SENP7: variants seen among roughly 807,000 people sequenced by gnomAD.
The protein encoded by SENP7 is sentrin-specific protease 7.
In SENP7, 64 loss-of-function variants were observed where a neutral mutation model predicts 141.2. The observed-to-expected ratio is 0.45, with a 90% CI of 0.37 to 0.56. The LOEUF is 0.56. SENP7 is among the 20% of genes least tolerant of loss of function. The pLI is 0.00. For missense variants in SENP7, 1,025 were observed against 1,212.2 expected, an observed-to-expected ratio of 0.85 and a Z score of 2.29; for synonymous variants, 382 against 426.4, an observed-to-expected ratio of 0.90 and a Z score of 1.28.
chr3:101,398,053 T>C (rs1213637078), intron 6 of SENP7, among the ~76,000 whole-genome samples: 2 of 152,250 alleles, frequency 1.3e-5, no homozygotes, highest in Non-Finnish European at 2.9e-5. Context: ...AGCTTTTCCA[T>C]TTGTTAATGG....
intron 5 of SENP7, among the ~76,000 whole-genome samples, chr3:101,416,686 T>C (rs1454033672): frequency 6.6e-6 from 1 of 152,230 alleles, no homozygotes; most frequent in Non-Finnish European, 1.5e-5. Context: ...TTTTGTCTTT[T>C]TAAAAGAAGT....
At chr3:101,348,871 A>G (rs2059541268) in intron 12 of SENP7, among the ~76,000 whole-genome samples, 1 of 152,162 alleles carries the variant, frequency 6.6e-6, no homozygotes, top group Admixed American at 6.5e-5. Flanking sequence ...AAGCAACTGA[A>G]CTGGAATACA....
At chr3:101,375,245 TAAG>T (rs2060287941) in intron 6 of SENP7, among the ~76,000 whole-genome samples, 1 of 152,012 alleles carries the variant, frequency 6.6e-6, no homozygotes, top group Non-Finnish European at 1.5e-5. Context: ...AACTGCGATA[TAAG>T]AAGCTAAACA....
chr3:101,325,956 C>T lies in SENP7; in HGVS notation c.3140G>A (p.Gly1047Asp). 1.2e-6 allele frequency: 2 copies of T among 1,608,398 alleles called. No individual in the cohort carries two copies. Among genetic ancestry groups the T allele is most frequent in the Non-Finnish European group, 8.5e-7 (1 of 1,177,184 alleles). The change falls in exon 24 of 24, where the codon GGC becomes GAC. Residue 1047 changes from glycine (G) to aspartate (D), a missense_variant. Around this residue, in one of 4 missense-constraint regions of SENP7, gnomAD observed 295 missense variants for 459.1 expected, o/e 0.64. Transcript: ENST00000394095. Reference sequence around the variant, plus strand: ...TGTACAGATTAACTAGCTACTGCTGCCCTTCTGTTGCTGTAAATGAAGTTT... The same window carrying T: ...TGTACAGATTAACTAGCTACTGCTGTCCTTCTGTTGCTGTAAATGAAGTTT... ...ILKLHLQQQKGSSS is the reference protein window; with the variant it reads ...ILKLHLQQQKDSSS
At chr3:101,414,656 G>A in intron 5 of SENP7, 1 of 1,357,586 alleles carries the variant, frequency 7.4e-7, no homozygotes, top group East Asian at 2.3e-5. Context: ...GTGGCCATGG[G>A]GGCTGAGGGC....
intron 3 of SENP7, among the ~76,000 whole-genome samples, chr3:101,473,486 T>A (rs1390478067): frequency 6.6e-6 from 1 of 152,222 alleles, no homozygotes; most frequent in Non-Finnish European, 1.5e-5. Flanking sequence ...TAATGATTAG[T>A]GATGTTGAGC....
intron 5 of SENP7, among the ~76,000 whole-genome samples, chr3:101,402,314 A>C (rs546235071): frequency 6.6e-6 from 1 of 152,266 alleles, no homozygotes; most frequent in East Asian, 1.9e-4. Context: ...CAAAAGATCC[A>C]ATGGCCCTTA....
intron 3 of SENP7, among the ~76,000 whole-genome samples, chr3:101,472,666 A>T (rs1229958053): frequency 1.3e-5 from 2 of 152,148 alleles, no homozygotes; most frequent in African/African-American, 2.4e-5. Flanking sequence ...ATAATTTTTT[A>T]AAAACCACCA....
intron 12 of SENP7, among the ~76,000 whole-genome samples, chr3:101,348,686 G>A (rs995778585): frequency 6.6e-6 from 1 of 151,736 alleles, no homozygotes; most frequent in Non-Finnish European, 1.5e-5. Context: ...ATTCCTCCAG[G>A]TTTTATTTCT....
chr3:101,399,345 T>G (rs2061064982), intron 5 of SENP7, among the ~76,000 whole-genome samples: 1 of 152,234 alleles, frequency 6.6e-6, no homozygotes, highest in African/African-American at 2.4e-5. Flanking sequence ...TAACAAATTC[T>G]TCTCTAAAAA....
intron 4 of SENP7, among the ~76,000 whole-genome samples, chr3:101,446,413 T>C (rs950157046): frequency 2.0e-5 from 3 of 152,226 alleles, no homozygotes; most frequent in Admixed American, 6.5e-5. Context: ...ATAGACCTAA[T>C]AGACCTAACA....
chr3:101,359,718 T>A (rs2059842663), intron 11 of SENP7, among the ~76,000 whole-genome samples: 2 of 152,008 alleles, frequency 1.3e-5, no homozygotes, highest in Admixed American at 1.3e-4. Context: ...TATTATGTAA[T>A]ATCCCTTTGT....
intron 3 of SENP7, among the ~76,000 whole-genome samples, chr3:101,467,590 C>T (rs189734969): frequency 1.1e-4 from 16 of 152,204 alleles, no homozygotes; most frequent in African/African-American, 3.4e-4. Context: ...CTCCAGCAAA[C>T]TCCAACAGAC....
intron 3 of SENP7, among the ~76,000 whole-genome samples, chr3:101,472,410 C>T (rs1464788282): frequency 6.7e-6 from 1 of 148,892 alleles, no homozygotes; most frequent in Non-Finnish European, 1.5e-5. Context: ...GACAGAAAAC[C>T]AAACACCGCA....
At chr3:101,347,479 T>C (rs2107237983) in intron 13 of SENP7, 1 of 152,506 alleles carries the variant, frequency 6.6e-6, no homozygotes, top group Middle Eastern at 3.4e-3. Flanking sequence ...TCCCAGCACT[T>C]TGGGAGGCTG....
chr3:101,385,774 T>A (rs964547608), intron 6 of SENP7, among the ~76,000 whole-genome samples: 2 of 152,134 alleles, frequency 1.3e-5, no homozygotes, highest in Non-Finnish European at 2.9e-5. Flanking sequence ...CATTACCAGC[T>A]GACACATCTA....
chr3:101,439,646 G>A (rs1422780747), intron 4 of SENP7, among the ~76,000 whole-genome samples: 7 of 33,422 alleles, frequency 2.1e-4, no homozygotes, highest in East Asian at 8.8e-4. Flanking sequence ...CCCTCAGCCC[G>A]GCCAGCCACC....
chr3:101,366,720 C>T lies in SENP7; in HGVS notation c.1028G>A (p.Ser343Asn). 6.2e-7 allele frequency: 1 copy of T among 1,611,040 alleles called. No homozygotes were observed. Among genetic ancestry groups the T allele is most frequent in the Non-Finnish European group, 8.5e-7 (1 of 1,178,456 alleles). Reference sequence around the variant, plus strand: ...TTTTGGATCCTGATGATAGTTTTCACTTGGCTTTTCAAACTCAGTGGATAT... The same window carrying T: ...TTTTGGATCCTGATGATAGTTTTCATTTGGCTTTTCAAACTCAGTGGATAT... ...STISTEFEKP[S>N]ENYHQDPKLP... The change falls in exon 9 of 24, where the codon AGT becomes AAT. Residue 343 changes from serine (S) to asparagine (N), a missense_variant. Ser to Asn is a conservative substitution (Grantham distance 46). This residue lies in a region of SENP7 where 496 missense variants were observed against 503.5 expected (regional missense o/e 0.99). Coordinates refer to ENST00000394095, the MANE Select transcript of SENP7 (RefSeq NM_020654.5).
chr3:101,345,948 T>A (rs1408902982), intron 13 of SENP7, among the ~76,000 whole-genome samples: 9 of 152,146 alleles, frequency 5.9e-5, no homozygotes. Context: ...AGCTTTTGCA[T>A]GGCAAAAAGA....
Sources: gnomAD v4.1 joint callset for allele counts (sites outside exome capture counted in the v4.1 genomes callset) on GRCh38, gnomAD v4.1.1 for gene constraint, gnomAD v4.1.1 regional missense constraint, MANE v1.5 for transcripts, NCBI Gene and HGNC (gene_info 2026-07-23, HGNC 2026-07-21) for gene names.